The following JMJD1C variants were observed in gnomAD, a reference collection of about 807,000 sequenced individuals.
The protein encoded by JMJD1C is jumonji domain containing 1C.
In JMJD1C, 31 loss-of-function variants were observed where a neutral mutation model predicts 245.3. The observed-to-expected ratio is 0.13, with a 90% confidence interval of 0.09 to 0.17. The LOEUF is 0.17. Ranked by LOEUF, JMJD1C falls within the 10% of genes least tolerant of loss-of-function variation. JMJD1C has a pLI of 1.00. For synonymous variants in JMJD1C, 1,057 were observed against 1,017.4 expected (o/e 1.04, Z -0.74); for missense variants, 2,691 against 3,000.2 (o/e 0.90, Z 2.41).
At chr10:63,174,965 T>A (rs1182932670) in intron 24 of JMJD1C, among the ~76,000 whole-genome samples, 1 of 152,186 alleles carries the variant, frequency 6.6e-6, no homozygotes, top group Non-Finnish European at 1.5e-5. Flanking sequence ...GAATTATACA[T>A]TAAATAAGGT....
At chr10:63,302,095 C>T (rs1860164376) in intron 2 of JMJD1C, among the ~76,000 whole-genome samples, 1 of 152,170 alleles carries the variant, frequency 6.6e-6, no homozygotes, top group Non-Finnish European at 1.5e-5. Flanking sequence ...CGGCTAACTG[C>T]AGCCTCGAAC....
intron 1 of JMJD1C, among the ~76,000 whole-genome samples, chr10:63,434,489 ACTCTGGAGTT>A (rs1950952965): frequency 6.6e-6 from 1 of 152,046 alleles, no homozygotes; most frequent in Non-Finnish European, 1.5e-5. Context: ...GGAGGCTAAG[ACTCTGGAGTT>A]CTCAGGACAC....
At chr10:63,273,449 T>C (rs146920920) in intron 2 of JMJD1C, among the ~76,000 whole-genome samples, 6 of 152,332 alleles carry the variant, frequency 3.9e-5, no homozygotes, top group East Asian at 1.9e-4. Context: ...AGTAATGACA[T>C]AGAGAACCCA....
At chr10:63,193,831 T>C (rs1027636220) in intron 14 of JMJD1C, among the ~76,000 whole-genome samples, 3 of 152,124 alleles carry the variant, frequency 2.0e-5, no homozygotes, top group South Asian at 2.1e-4. Flanking sequence ...CACGCCCGGC[T>C]AATTTTTTGT....
At chr10:63,431,300 G>A (rs1019836450) in intron 1 of JMJD1C, among the ~76,000 whole-genome samples, 1 of 152,158 alleles carries the variant, frequency 6.6e-6, no homozygotes, top group Non-Finnish European at 1.5e-5. Context: ...GAAGTTAAGA[G>A]AATAAAAGCT....
chr10:63,208,598 C>T lies in JMJD1C; in HGVS notation c.3071G>A (p.Arg1024Gln), dbSNP rs748085239. Residue 1024 changes from arginine to glutamine, a missense_variant, in exon 10 of 26, where the codon CGA becomes CAA. Physicochemically the swap from Arg to Gln is conservative, Grantham distance 43. Around this residue, in one of 9 missense-constraint regions of JMJD1C, gnomAD observed 1,562 missense variants for 1,490.7 expected, o/e 1.05. Coordinates refer to ENST00000399262, the MANE Select transcript of JMJD1C (RefSeq NM_032776.3). ...RLNKYKEEHR[R>Q]ILQESIDVAP... ...AACATCAATACTTTCTTGAAGAATT[C>T]GACGGTGTTCCTCTTTGTATTTGTT... The T allele has an allele frequency of 3.8e-5, 62 of 1,613,790 alleles. No homozygotes were observed. The highest frequency in any genetic ancestry group is 4.5e-5 in the East Asian group (2 of 44,884).
intron 3 of JMJD1C, among the ~76,000 whole-genome samples, chr10:63,233,353 C>T (rs1850246128): frequency 1.3e-5 from 2 of 152,032 alleles, no homozygotes. Context: ...GTCATTTTAA[C>T]TCTTAGAAAA....
In JMJD1C at chr10:63,215,433, G is replaced by A. The variant is rs1441447943; in HGVS notation, c.845C>T (p.Ala282Val). 6.2e-7 allele frequency: 1 copy of A among 1,613,956 alleles called. No individual in the cohort carries two copies. The highest frequency in any genetic ancestry group is 1.3e-5 in the African/African-American group (1 of 74,902). Residue 282 changes from alanine (A) to valine (V), a missense_variant, in exon 7 of 26, where the codon GCA becomes GTA. This residue lies in a region of JMJD1C where 1,562 missense variants were observed against 1,490.7 expected (regional missense o/e 1.05). Coordinates refer to ENST00000399262, the MANE Select transcript of JMJD1C (RefSeq NM_032776.3). ...GTTCATTGCTGGTCTGGGACTATTT[G>A]CTTGGGCACGTGTATAATGGCTCTA... ...AVHSHYTRAQ[A>V]NSPRPAMNSQ...
intron 1 of JMJD1C, among the ~76,000 whole-genome samples, chr10:63,409,710 C>A (rs898290101): frequency 1.3e-5 from 2 of 152,096 alleles, no homozygotes; most frequent in South Asian, 2.1e-4. Flanking sequence ...GATTGTACAC[C>A]TAAAGTTACA....
Position 63,378,319 on chromosome 10 carries a change from C to T in JMJD1C, c.333+1999G>A, listed in dbSNP as rs1946932525. On this transcript the variant is annotated intron_variant, in intron 2 of 25. Coordinates refer to ENST00000399262, the MANE Select transcript of JMJD1C (RefSeq NM_032776.3). ...AGAAAGGGCAAAAATTGGCTGGGCA[C>T]GGTGGCTCAGACCTGTAATCCCAGC... Among the ~76,000 whole-genome samples the T allele has an allele frequency of 2.0e-5, 3 of 152,096 alleles. No individual in the cohort carries two copies. The South Asian group carries it at 6.2e-4, about 32-fold the overall frequency.
chr10:63,182,327 G>A (rs1253311590), intron 22 of JMJD1C, among the ~76,000 whole-genome samples: 2 of 152,194 alleles, frequency 1.3e-5, no homozygotes, highest in Non-Finnish European at 2.9e-5. Context: ...TGTGATTAAC[G>A]GTGCCATTCA....
rs1458037700 is a variant in JMJD1C, at chr10:63,183,467, T to C, written c.7064A>G (p.Asn2355Ser). Residue 2355 changes from asparagine to serine, a missense_variant, in exon 22 of 26, where the codon AAT (asparagine) becomes AGT (serine). By Grantham distance (46) the Asn-to-Ser change is conservative. Transcript: ENST00000399262. ...TTTACCTGCTTTTGAGAGAATGCCA[T>C]TTCCTTTTGCTATGCCAACATAAAC... is the stretch of plus-strand genomic sequence containing the variant. ...ILVYVGIAKG[N>S]GILSKAGILK... is the part of the protein sequence containing the mutation. 2 of 1,604,406 alleles carry C rather than the reference T, an allele frequency of 1.2e-6. No individual in the cohort carries two copies. Among genetic ancestry groups the C allele is most frequent in the Non-Finnish European group, 1.7e-6 (2 of 1,176,918 alleles).
intron 2 of JMJD1C, among the ~76,000 whole-genome samples, chr10:63,309,689 C>A (rs190601340): frequency 2.0e-5 from 3 of 151,610 alleles, no homozygotes; most frequent in African/African-American, 7.3e-5. Flanking sequence ...GAGGCCAAGG[C>A]GAGCGGATCA....
chr10:63,367,756 A>G (rs1248134373), intron 2 of JMJD1C, among the ~76,000 whole-genome samples: 3 of 152,230 alleles, frequency 2.0e-5, no homozygotes, highest in Admixed American at 6.5e-5. Context: ...ACCCATGCAC[A>G]GAACTTACAA....
At chr10:63,222,948 A>T in intron 3 of JMJD1C, 1 of 1,493,814 alleles carries the variant, frequency 6.7e-7, no homozygotes, top group East Asian at 2.3e-5. Context: ...CATATAATTC[A>T]AATATTGGAG....
intron 5 of JMJD1C, 98 bp from the exon 6 acceptor site, chr10:63,215,794 G>T: frequency 2.5e-6 from 2 of 788,010 alleles, no homozygotes; most frequent in South Asian, 3.3e-5. Flanking sequence ...TTAGAAATCA[G>T]CTTGGGATCC....
intron 3 of JMJD1C, among the ~76,000 whole-genome samples, chr10:63,249,645 G>A (rs1852766769): frequency 6.6e-6 from 1 of 152,142 alleles, no homozygotes; most frequent in African/African-American, 2.4e-5. Flanking sequence ...CAGATCACAA[G>A]GTCAGGAGTT....
chr10:63,239,004 T>C (rs993747914), intron 3 of JMJD1C, among the ~76,000 whole-genome samples: 1 of 151,896 alleles, frequency 6.6e-6, no homozygotes, highest in Non-Finnish European at 1.5e-5. Context: ...TGAGACAAAA[T>C]GGGTTGGCGG....
chr10:63,305,951 T>C (rs557016922), intron 2 of JMJD1C, among the ~76,000 whole-genome samples: 2 of 152,076 alleles, frequency 1.3e-5, no homozygotes, highest in African/African-American at 4.8e-5. Context: ...ATCAAACTTC[T>C]GGGCACAAGC....
Sources: allele counts gnomAD v4.1 joint callset (sites outside exome capture counted in the v4.1 genomes callset), GRCh38; gene constraint gnomAD v4.1.1; regional missense constraint gnomAD v4.1.1; transcripts MANE v1.5; gene names NCBI Gene and HGNC (gene_info 2026-07-23, HGNC 2026-07-21).